The following MGST1 variants were observed in gnomAD, a reference collection of about 807,000 sequenced individuals.
MGST1 encodes the protein glutathione S-transferase 12.
MGST1 carries 5 observed loss-of-function variants against 8.9 expected under a neutral mutation model. The ratio of observed to expected loss-of-function variants is 0.56; its 90% CI spans 0.29 to 1.19. The LOEUF (loss-of-function observed/expected upper bound fraction) is 1.19, where lower values mean the gene tolerates loss of function less well. Ranked by LOEUF, MGST1 falls within the 50% of genes most tolerant of loss-of-function variation. MGST1 has a pLI of 0.08. For missense variants in MGST1, 182 were observed against 187.4 expected, an observed-to-expected ratio of 0.97 and a Z score of 0.17; for synonymous variants, 54 against 67.8, an observed-to-expected ratio of 0.80 and a Z score of 1.00.
At chr12:16,475,294 A>T (rs1941315626) in intron 4 of MGST1, among the ~76,000 whole-genome samples, 3 of 152,208 alleles carry the variant, frequency 2.0e-5, no homozygotes, top group African/African-American at 7.2e-5. Flanking sequence ...AGAGTAAGAG[A>T]ATCAATTAGT....
intron 1 of MGST1, among the ~76,000 whole-genome samples, chr12:16,411,339 T>C (rs10772930): frequency 0.19 from 29,090 of 152,074 alleles, 3,321 homozygotes; most frequent in East Asian, 0.43. Flanking sequence ...GAACGCAATG[T>C]TGATTATATC....
intron 4 of MGST1, among the ~76,000 whole-genome samples, chr12:16,581,651 A>C (rs1323204737): frequency 1.3e-5 from 2 of 152,182 alleles, no homozygotes; most frequent in African/African-American, 4.8e-5. Flanking sequence ...CTATTATAAC[A>C]GGCTTACCAT....
intron 1 of MGST1, among the ~76,000 whole-genome samples, chr12:16,417,626 C>G (rs1323327076): frequency 1.3e-5 from 2 of 152,048 alleles, no homozygotes. Flanking sequence ...TTTCTAGAAG[C>G]AATATTGCTT....
At chr12:16,418,660 T>G (rs1477712965) in intron 1 of MGST1, among the ~76,000 whole-genome samples, 1 of 152,148 alleles carries the variant, frequency 6.6e-6, no homozygotes, top group Non-Finnish European at 1.5e-5. Flanking sequence ...AGATAGCCTG[T>G]GTTTAAATCC....
chr12:16,445,227 A>G (rs940521421), intron 4 of MGST1, among the ~76,000 whole-genome samples: 10 of 151,650 alleles, frequency 6.6e-5, no homozygotes, highest in Admixed American at 2.0e-4. Context: ...TAGAATCCAA[A>G]AGGCTAGTAG....
At chr12:16,581,075 G>A (rs1459778346) in intron 4 of MGST1, among the ~76,000 whole-genome samples, 1 of 152,076 alleles carries the variant, frequency 6.6e-6, no homozygotes, top group Admixed American at 6.6e-5. Context: ...AAATAGTTAG[G>A]TACAAGAAAA....
At chr12:16,408,030 C>CAAAAAAAAAAAAAAAAAA (rs200073692) in intron 1 of MGST1, among the ~76,000 whole-genome samples, 12 of 44,092 alleles carry the variant, frequency 2.7e-4, no homozygotes, top group African/African-American at 5.4e-4. Flanking sequence ...GACTCTGTCT[C>CAAAAAAAAAAAAAAAAAA]AAAAAAAAAA....
At chr12:16,511,141 CA>C (rs1206254966) in intron 4 of MGST1, among the ~76,000 whole-genome samples, 1 of 152,108 alleles carries the variant, frequency 6.6e-6, no homozygotes, top group Non-Finnish European at 1.5e-5. Context: ...ATTTTTTTGA[CA>C]ATTATCACAG....
intron 1 of MGST1, chr12:16,399,899 A>G: frequency 7.9e-7 from 1 of 1,266,060 alleles, no homozygotes; most frequent in South Asian, 1.2e-5. Flanking sequence ...CGCTCAAAGT[A>G]AATCAGCTCT....
chr12:16,554,724 G>A (rs1490375419), intron 4 of MGST1, among the ~76,000 whole-genome samples: 1 of 152,162 alleles, frequency 6.6e-6, no homozygotes, highest in Non-Finnish European at 1.5e-5. Context: ...ACTCCGGAGA[G>A]GGAGACCAGA....
At chr12:16,449,064 A>G (rs1941107113) in intron 4 of MGST1, among the ~76,000 whole-genome samples, 1 of 151,950 alleles carries the variant, frequency 6.6e-6, no homozygotes. Flanking sequence ...AACTCTATGT[A>G]ACTTTAGTTG....
rs1555116337 is a variant in MGST1 at position 16,566,038 on chromosome 12, A to ATATATATG, written n.483-23488_483-23487insTATATGTA. Among the ~76,000 whole-genome samples, 15 of 90,522 alleles carry ATATATATG rather than the reference A, an allele frequency of 1.7e-4. 1 individual carries two copies. Among genetic ancestry groups the ATATATATG allele is most frequent in the East Asian group, 1.3e-3 (3 of 2,392 alleles). 59.4% of individuals were successfully genotyped at this position (90,522 alleles called of 152,430 possible). A position where few individuals can be genotyped will look rare whatever the true frequency, so the allele number is the denominator to read the frequency against. ...TATATATATATATATATATATATATATAAAATGGAGTACTATTCAGCCATA... is the reference window on the plus strand; with the variant it reads ...TATATATATATATATATATATATATATATATATGTAAAATGGAGTACTATTCAGCCATA... On this transcript the variant is annotated intron_variant and non_coding_transcript_variant, in intron 4 of 4. Coordinates refer to the MGST1 transcript ENST00000538857.
At chr12:16,519,467 T>G (rs10772942) in intron 4 of MGST1, among the ~76,000 whole-genome samples, 79,437 of 151,906 alleles carry the variant, frequency 0.52, 21,002 homozygotes, top group Admixed American at 0.6. Context: ...GGATCCAAGA[T>G]AGCAGTGGGA....
Position 16,361,340 on chromosome 12 carries a change from AAGG to A in MGST1, c.222-2451_222-2449del, listed in dbSNP as rs1939987737. Among the ~76,000 whole-genome samples, 1 of 152,144 alleles carries A rather than the reference AAGG, an allele frequency of 6.6e-6. No homozygotes were observed. Among genetic ancestry groups the A allele is most frequent in the Non-Finnish European group, 1.5e-5 (1 of 68,020 alleles). On this transcript the variant is annotated intron_variant, in intron 3 of 3. Transcript: ENST00000396210. The surrounding 1 kb of genome is among the most constrained non-coding windows in gnomAD (Gnocchi z 4.2). ...GATCCAAGTAATTCTGATCTGAGGG[AAGG>A]AGGCGTGGCTGTGGCCTCAAGAGCA...
Position 16,584,920 on chromosome 12 carries a change from G to C in MGST1, n.483-4608G>C, listed in dbSNP as rs575381400. Among the ~76,000 whole-genome samples, 6 of 152,194 alleles carry C rather than the reference G, an allele frequency of 3.9e-5. No homozygotes were observed. In the South Asian group the frequency reaches 1.0e-3, roughly 26 times the overall value. On this transcript the variant is annotated intron_variant and non_coding_transcript_variant, in intron 4 of 4. Transcript: ENST00000538857. This position sits in a 1 kb window ranked among gnomAD's most constrained non-coding sequence, Gnocchi z 5.2. Reference sequence around the variant, plus strand: ...ACCTTAGCGAACTGTACACATTAAAGGGCCTGATCAGTTATCTGAAACCAG... The same window carrying C: ...ACCTTAGCGAACTGTACACATTAAACGGCCTGATCAGTTATCTGAAACCAG...
rs901024003 is a variant in MGST1, at chr12:16,520,560, A to T, written n.483-68968A>T. On this transcript the variant is annotated intron_variant and non_coding_transcript_variant, in intron 4 of 4. Transcript: ENST00000538857. ...AGGTTCCAGAGTAAGAATGGGGAAG[A>T]TGTGTGAGCGTGTGGTACGTGGTGT... is the stretch of plus-strand genomic sequence containing the variant. Among the ~76,000 whole-genome samples the T allele has an allele frequency of 2.6e-5, 4 of 151,934 alleles. No homozygotes were observed. In the East Asian group the frequency reaches 7.7e-4, roughly 29 times the overall value.
intron 4 of MGST1, among the ~76,000 whole-genome samples, chr12:16,494,581 T>A (rs2137160104): frequency 6.6e-6 from 1 of 152,236 alleles, no homozygotes; most frequent in South Asian, 2.1e-4. Context: ...TAATTAAAGT[T>A]ATATAAAGTT....
chr12:16,441,828 T>A (rs965009346), downstream of MGST1, among the ~76,000 whole-genome samples: 2 of 151,850 alleles, frequency 1.3e-5, no homozygotes, highest in Admixed American at 6.6e-5. Context: ...TGTGTAGACA[T>A]AAATTTTCAA....
intron 4 of MGST1, among the ~76,000 whole-genome samples, chr12:16,468,654 G>T (rs1941270900): frequency 6.6e-6 from 1 of 152,124 alleles, no homozygotes; most frequent in African/African-American, 2.4e-5. Flanking sequence ...AATCCCTGTT[G>T]GGTCTGTTGG....
Sources: allele counts gnomAD v4.1 joint callset (sites outside exome capture counted in the v4.1 genomes callset), GRCh38; gene constraint gnomAD v4.1.1; non-coding constraint Gnocchi (gnomAD v3.1); transcripts MANE v1.5; gene names NCBI Gene and HGNC (gene_info 2026-07-23, HGNC 2026-07-21).